Variants in FAM107B observed in about 807,000 individuals in gnomAD.
FAM107B encodes protein FAM107B.
In FAM107B, 21 loss-of-function variants were observed where a neutral mutation model predicts 31.5. That is an observed-to-expected ratio of 0.67 (90% CI 0.47 to 0.96). The LOEUF is 0.96. FAM107B is among the 40% of genes least tolerant of loss of function. The probability of loss-of-function intolerance (pLI) is 0.00; values close to 1 mark genes in which losing one functional copy is unlikely to be tolerated. For synonymous variants in FAM107B, 157 were observed against 141.5 expected, an observed-to-expected ratio of 1.11 and a Z score of -0.78; for missense variants, 452 against 377.1, an observed-to-expected ratio of 1.20 and a Z score of -1.64.
intron 1 of FAM107B, among the ~76,000 whole-genome samples, chr10:14,732,267 G>C (rs560223978): frequency 2.6e-5 from 4 of 152,282 alleles, no homozygotes; most frequent in African/African-American, 9.6e-5. Context: ...GCAAGCAAGC[G>C]TGAGGACATG....
At chr10:14,712,091 C>T (rs77483443) in intron 1 of FAM107B, among the ~76,000 whole-genome samples, 19,516 of 152,168 alleles carry the variant, frequency 0.13, 1,602 homozygotes, top group African/African-American at 0.23. Context: ...GTGAAGAAGA[C>T]AGGACTTTCA....
chr10:14,655,997 G>T (rs761643024), intron 2 of FAM107B, among the ~76,000 whole-genome samples: 2 of 152,122 alleles, frequency 1.3e-5, no homozygotes, highest in Admixed American at 1.3e-4. Flanking sequence ...AGGGGAGAGG[G>T]GCTGGGTGCT....
At chr10:14,727,596 C>T (rs1295973799) in intron 1 of FAM107B, among the ~76,000 whole-genome samples, 1 of 152,200 alleles carries the variant, frequency 6.6e-6, no homozygotes, top group East Asian at 1.9e-4. Flanking sequence ...AGCTCCCTCA[C>T]CCTCCAGTGG....
At chr10:14,684,914 G>T (rs1244376312) in intron 1 of FAM107B, among the ~76,000 whole-genome samples, 1 of 151,694 alleles carries the variant, frequency 6.6e-6, no homozygotes, top group African/African-American at 2.4e-5. Context: ...TCAATCTCCG[G>T]GGCTCAAGTG....
intron 1 of FAM107B, among the ~76,000 whole-genome samples, chr10:14,672,513 A>G (rs1367816193): frequency 6.6e-6 from 1 of 152,260 alleles, no homozygotes; most frequent in East Asian, 1.9e-4. Flanking sequence ...ACTTTACAAC[A>G]TGAATATGTG....
At chr10:14,578,853 C>T (rs1216010071) in intron 2 of FAM107B, among the ~76,000 whole-genome samples, 2 of 152,110 alleles carry the variant, frequency 1.3e-5, no homozygotes, top group South Asian at 2.1e-4. Flanking sequence ...TAAAGAATGC[C>T]GCAAGTTAGC....
chr10:14,666,849 C>T (rs1854415445), intron 2 of FAM107B, among the ~76,000 whole-genome samples: 1 of 152,160 alleles, frequency 6.6e-6, no homozygotes, highest in Non-Finnish European at 1.5e-5. Flanking sequence ...TAGGGTGCTA[C>T]TTTTCCTCCC....
intron 1 of FAM107B, among the ~76,000 whole-genome samples, chr10:14,673,743 G>A (rs1002706463): frequency 6.6e-6 from 1 of 152,100 alleles, no homozygotes; most frequent in East Asian, 1.9e-4. Context: ...TACTGTAGGA[G>A]TTCCCCTTTC....
chr10:14,596,266 C>T (rs1194824048), intron 2 of FAM107B, among the ~76,000 whole-genome samples: 1 of 152,240 alleles, frequency 6.6e-6, no homozygotes, highest in Non-Finnish European at 1.5e-5. Context: ...CTCCAGCCCC[C>T]TGAACTGACT....
At chr10:14,741,765 G>T (rs1292018662) in intron 1 of FAM107B, among the ~76,000 whole-genome samples, 6 of 133,714 alleles carry the variant, frequency 4.5e-5, no homozygotes, top group African/African-American at 1.8e-4. Context: ...CTGTCGCCCA[G>T]GCTGGAGTGC....
intron 1 of FAM107B, among the ~76,000 whole-genome samples, chr10:14,686,901 G>A (rs1855003423): frequency 6.6e-6 from 1 of 152,200 alleles, no homozygotes; most frequent in South Asian, 2.1e-4. Flanking sequence ...CCCTTGCTAT[G>A]CATGACTGTT....
At chr10:14,646,789 CTTTTTTTTTTTTTT>C (rs369557470) in intron 2 of FAM107B, among the ~76,000 whole-genome samples, 2 of 86,770 alleles carry the variant, frequency 2.3e-5, no homozygotes, top group African/African-American at 9.3e-5. Context: ...CCATTTTCTC[CTTTTTTTTTTTTTT>C]TTTTTTTTGA....
intron 2 of FAM107B, among the ~76,000 whole-genome samples, chr10:14,650,028 T>G (rs193032306): frequency 1.3e-5 from 2 of 152,288 alleles, no homozygotes; most frequent in East Asian, 3.9e-4. Context: ...CCGAGGTGGC[T>G]GCCATAGTAT....
At chr10:14,734,867 T>C (rs536345584) in intron 1 of FAM107B, among the ~76,000 whole-genome samples, 8 of 152,214 alleles carry the variant, frequency 5.3e-5, no homozygotes, top group Non-Finnish European at 1.2e-4. Context: ...ACCTTGGTAG[T>C]GAAATGCAGT....
chr10:14,718,327 C>T (rs764107673), intron 1 of FAM107B, among the ~76,000 whole-genome samples: 4 of 143,026 alleles, frequency 2.8e-5, no homozygotes, highest in East Asian at 2.0e-4. Context: ...AGCAACAGAG[C>T]GAGACTCAAG....
chr10:14,566,411 T>C (rs960681626), intron 2 of FAM107B, among the ~76,000 whole-genome samples: 1 of 152,080 alleles, frequency 6.6e-6, no homozygotes, highest in African/African-American at 2.4e-5. Flanking sequence ...CTGTGCGGCA[T>C]GGAACTGCAG....
chr10:14,601,020 G>C (rs992173092), intron 2 of FAM107B, among the ~76,000 whole-genome samples: 1 of 152,186 alleles, frequency 6.6e-6, no homozygotes, highest in African/African-American at 2.4e-5. Flanking sequence ...TCCTGCTTCA[G>C]CCTCCCAAAG....
chr10:14,715,154 C>A (rs1318979971), intron 1 of FAM107B, among the ~76,000 whole-genome samples: 1 of 151,818 alleles, frequency 6.6e-6, no homozygotes, highest in African/African-American at 2.4e-5. Context: ...ACAAGTAACT[C>A]AAAAAATCAG....
intron 2 of FAM107B, among the ~76,000 whole-genome samples, chr10:14,619,385 T>C (rs34994607): frequency 0.41 from 62,138 of 151,950 alleles, 13,346 homozygotes; most frequent in Non-Finnish European, 0.48. Context: ...ATTTTAGCCA[T>C]TCTAATAGGT....
Sources: allele counts gnomAD v4.1 joint callset (sites outside exome capture counted in the v4.1 genomes callset), GRCh38; gene constraint gnomAD v4.1.1; transcripts MANE v1.5; gene names NCBI Gene and HGNC (gene_info 2026-07-23, HGNC 2026-07-21).